The following SRGAP3 variants were observed in gnomAD, a reference collection of about 807,000 sequenced individuals.
The protein encoded by SRGAP3 is SLIT-ROBO Rho GTPase-activating protein 3.
A neutral mutation model predicts 121.1 loss-of-function variants in SRGAP3; 39 were observed. The observed-to-expected ratio is 0.32, with a 90% confidence interval of 0.25 to 0.42. The LOEUF (loss-of-function observed/expected upper bound fraction) is 0.42, where lower values mean the gene tolerates loss of function less well. Ranked by LOEUF, SRGAP3 falls within the 10% of genes least tolerant of loss-of-function variation. The pLI is 1.00. For missense variants in SRGAP3, 1,213 were observed against 1,470.6 expected (o/e 0.82, Z 2.86); for synonymous variants, 601 against 570.0 (o/e 1.05, Z -0.77).
chr3:9,260,176 G>T (rs1954223715), intron 3 of SRGAP3, among the ~76,000 whole-genome samples: 1 of 152,112 alleles, frequency 6.6e-6, no homozygotes, highest in South Asian at 2.1e-4. Flanking sequence ...ATTCCCTCGG[G>T]TGCCTACACC....
chr3:9,129,620 G>C (rs1031951172), intron 1 of SRGAP3, among the ~76,000 whole-genome samples: 5 of 151,902 alleles, frequency 3.3e-5, no homozygotes, highest in African/African-American at 4.8e-5. Context: ...GCGCTGTTTG[G>C]GTTTTTTTGT....
chr3:9,028,887 C>A (rs556067103), intron 12 of SRGAP3, among the ~76,000 whole-genome samples: 1 of 152,270 alleles, frequency 6.6e-6, no homozygotes, highest in East Asian at 1.9e-4. Flanking sequence ...AGCTTGGGGG[C>A]AGAACTGGGG....
chr3:8,997,285 C>G (rs1400467141), intron 18 of SRGAP3, among the ~76,000 whole-genome samples: 1 of 152,202 alleles, frequency 6.6e-6, no homozygotes, highest in African/African-American at 2.4e-5. Flanking sequence ...GGCCAATGCC[C>G]TGGCATGGCT....
intron 12 of SRGAP3, among the ~76,000 whole-genome samples, chr3:9,030,441 A>C (rs1944427193): frequency 6.6e-6 from 1 of 152,166 alleles, no homozygotes; most frequent in African/African-American, 2.4e-5. Context: ...TATTCCAAAG[A>C]CAAGGTGTCC....
chr3:9,090,274 C>T (rs1249806346), intron 3 of SRGAP3, among the ~76,000 whole-genome samples: 1 of 152,088 alleles, frequency 6.6e-6, no homozygotes, highest in East Asian at 1.9e-4. Context: ...GAGTTTCCCA[C>T]AATGCCGATT....
At chr3:9,294,778 TC>T (rs1379511433) in intron 3 of SRGAP3, among the ~76,000 whole-genome samples, 1 of 148,528 alleles carries the variant, frequency 6.7e-6, no homozygotes, top group Non-Finnish European at 1.5e-5. Flanking sequence ...AAGAAACAGC[TC>T]CCCCCACCTG....
At chr3:9,170,826 C>T (rs1330297206) in intron 1 of SRGAP3, among the ~76,000 whole-genome samples, 1 of 152,206 alleles carries the variant, frequency 6.6e-6, no homozygotes, top group African/African-American at 2.4e-5. Context: ...CTGCTCCTCT[C>T]CCCCAAGCCC....
intron 1 of SRGAP3, among the ~76,000 whole-genome samples, chr3:9,224,132 A>C (rs567515172): frequency 6.6e-6 from 1 of 152,170 alleles, no homozygotes; most frequent in Non-Finnish European, 1.5e-5. Context: ...GCCCTTCCAC[A>C]TGATACCTAC....
chr3:9,034,453 G>T (rs3755784), intron 11 of SRGAP3: 77,348 of 152,108 alleles, frequency 0.51, 20,172 homozygotes, highest in East Asian at 0.7. Context: ...CTGGGCTTGT[G>T]GTACCTGTCT....
At chr3:9,040,389 G>A (rs1012454142) in intron 10 of SRGAP3, among the ~76,000 whole-genome samples, 1 of 152,152 alleles carries the variant, frequency 6.6e-6, no homozygotes, top group South Asian at 2.1e-4. Context: ...TACAGATGCA[G>A]AGGCCTCTGT....
intron 8 of SRGAP3, among the ~76,000 whole-genome samples, chr3:9,055,716 A>G (rs998347507): frequency 1.3e-5 from 2 of 152,240 alleles, no homozygotes; most frequent in Non-Finnish European, 2.9e-5. Context: ...AATAGAAGAA[A>G]GCACAAAGAA....
At chr3:9,069,533 G>C (rs974143529) in intron 4 of SRGAP3, among the ~76,000 whole-genome samples, 1 of 152,170 alleles carries the variant, frequency 6.6e-6, no homozygotes, top group Non-Finnish European at 1.5e-5. Context: ...GGACTTCGTA[G>C]GGATGTGTCA....
At chr3:9,064,358 C>CT in intron 5 of SRGAP3, 38 bp downstream of exon 5, 5 of 1,613,758 alleles carry the variant, frequency 3.1e-6, no homozygotes, top group Non-Finnish European at 4.2e-6. Context: ...CCTTTGTGCC[C>CT]TGTCCCCAAT....
chr3:9,293,979 C>T (rs1324954760), intron 3 of SRGAP3, among the ~76,000 whole-genome samples: 4 of 152,098 alleles, frequency 2.6e-5, no homozygotes, highest in East Asian at 1.9e-4. Flanking sequence ...ATCCCATTAC[C>T]GGTTATATAC....
intron 4 of SRGAP3, among the ~76,000 whole-genome samples, chr3:9,068,932 A>G (rs1381442591): frequency 6.6e-6 from 1 of 152,116 alleles, no homozygotes; most frequent in Non-Finnish European, 1.5e-5. Flanking sequence ...TGCTTTATGC[A>G]CTTTACCTAT....
chr3:9,049,376 G>C, intron 9 of SRGAP3: 1 of 456,040 alleles, frequency 2.2e-6, no homozygotes, highest in Non-Finnish European at 4.4e-6. Flanking sequence ...CACTCGACTT[G>C]TATCCACAGA....
chr3:9,017,935 C>T (rs35038904), intron 14 of SRGAP3, among the ~76,000 whole-genome samples: 34,267 of 151,940 alleles, frequency 0.23, 3,974 homozygotes, highest in Non-Finnish European at 0.25. Context: ...TATTCTACTA[C>T]CAAACCCTAG....
intron 1 of SRGAP3, among the ~76,000 whole-genome samples, chr3:9,241,537 G>C (rs1953637771): frequency 6.6e-6 from 1 of 152,152 alleles, no homozygotes; most frequent in Non-Finnish European, 1.5e-5. Context: ...ATCTACCAAG[G>C]AAATGCAAGG....
rs1037644415 is a variant in SRGAP3 at position 9,094,843 on chromosome 3, C to A, written c.423+9837G>T. Among the ~76,000 whole-genome samples the A allele has an allele frequency of 2.6e-5, 4 of 152,034 alleles. No homozygotes were observed. The East Asian group carries it at 7.7e-4, about 29-fold the overall frequency. On this transcript the variant is annotated intron_variant, in intron 3 of 21. Transcript: ENST00000383836. ...TAATCATAGCTCACTGCAGCCTCAA[C>A]CTCCTGGGCTCAGGAGATCCTCCCA...
Sources: gnomAD v4.1 joint callset for allele counts (sites outside exome capture counted in the v4.1 genomes callset) on GRCh38, gnomAD v4.1.1 for gene constraint, MANE v1.5 for transcripts, NCBI Gene and HGNC (gene_info 2026-07-23, HGNC 2026-07-21) for gene names.